TXNDC12: variants seen among roughly 807,000 people sequenced by gnomAD.
TXNDC12 encodes the protein thioredoxin domain-containing protein 12.
Under a neutral mutation model 24.2 loss-of-function variants are expected in TXNDC12, and 22 were observed. The observed-to-expected ratio is 0.91, with a 90% CI of 0.65 to 1.30. The LOEUF (loss-of-function observed/expected upper bound fraction) is 1.30, where lower values mean the gene tolerates loss of function less well. Among genes scored for constraint, TXNDC12 ranks in the 50% most tolerant of loss-of-function variants. The pLI is 0.00. For synonymous variants in TXNDC12, 58 were observed against 73.4 expected, an observed-to-expected ratio of 0.79 and a Z score of 1.07; for missense variants, 184 against 205.8, an observed-to-expected ratio of 0.89 and a Z score of 0.65.
intron 2 of TXNDC12, among the ~76,000 whole-genome samples, chr1:52,040,327 G>A (rs1030188711): frequency 1.3e-5 from 2 of 151,940 alleles, no homozygotes; most frequent in African/African-American, 4.8e-5. Context: ...AGGCTCAATT[G>A]ATCCTCCCAC....
At chr1:52,045,556 C>G (rs144807072) in intron 1 of TXNDC12, among the ~76,000 whole-genome samples, 1 of 152,188 alleles carries the variant, frequency 6.6e-6, no homozygotes, top group South Asian at 2.1e-4. Flanking sequence ...TATTGGACTT[C>G]TAGCCTCCAG....
At chr1:52,045,769 TC>T (rs1686079887) in intron 1 of TXNDC12, among the ~76,000 whole-genome samples, 1 of 152,218 alleles carries the variant, frequency 6.6e-6, no homozygotes, top group African/African-American at 2.4e-5. Context: ...TAACAAACTA[TC>T]TTTCAAAAGT....
intron 5 of TXNDC12, 150 bp from the exon 6 acceptor site, chr1:52,023,724 T>C: frequency 1.7e-6 from 1 of 584,404 alleles, no homozygotes; most frequent in Non-Finnish European, 3.0e-6. Context: ...CATTTCTGCT[T>C]CCTTTTCTGC....
At chr1:52,049,929 T>C (rs1686167903) in intron 1 of TXNDC12, among the ~76,000 whole-genome samples, 4 of 152,200 alleles carry the variant, frequency 2.6e-5, no homozygotes, top group Admixed American at 2.6e-4. Flanking sequence ...TTAAATGCTT[T>C]TATATGTGTT....
intron 4 of TXNDC12, among the ~76,000 whole-genome samples, chr1:52,026,260 T>G (rs1685670632): frequency 6.6e-6 from 1 of 152,174 alleles, no homozygotes; most frequent in Non-Finnish European, 1.5e-5. Flanking sequence ...TATCACTTAT[T>G]AGGCTCTATG....
intron 2 of TXNDC12, chr1:52,032,608 T>C: frequency 6.6e-7 from 1 of 1,509,022 alleles, no homozygotes; most frequent in Admixed American, 2.4e-5. Context: ...ACTGCATCGA[T>C]ATGCTCTGGA....
chr1:52,044,161 C>A (rs1686044870), intron 1 of TXNDC12: 1 of 152,212 alleles, frequency 6.6e-6, no homozygotes, highest in South Asian at 2.1e-4. Context: ...ACCTACAAAA[C>A]AATGAAATCC....
intron 2 of TXNDC12, among the ~76,000 whole-genome samples, chr1:52,031,145 C>T (rs1685746687): frequency 6.6e-6 from 1 of 151,614 alleles, no homozygotes; most frequent in Non-Finnish European, 1.5e-5. Flanking sequence ...TGACCACCAG[C>T]CCATTTCATC....
chr1:52,050,008 C>G (rs757545005), intron 1 of TXNDC12, among the ~76,000 whole-genome samples: 14 of 152,188 alleles, frequency 9.2e-5, no homozygotes, highest in Admixed American at 2.6e-4. Context: ...AATAAGGAAG[C>G]TGAACTGAAA....
At chr1:52,034,306 T>C (rs1395119205) in intron 2 of TXNDC12, among the ~76,000 whole-genome samples, 3 of 152,148 alleles carry the variant, frequency 2.0e-5, no homozygotes, top group Non-Finnish European at 4.4e-5. Context: ...ATAAATACTA[T>C]AATGGATAGA....
At chr1:52,033,424 G>T in intron 2 of TXNDC12, 2 of 1,451,340 alleles carry the variant, frequency 1.4e-6, no homozygotes, top group East Asian at 2.2e-5. Context: ...TCCCGCGATC[G>T]GGCCGCCGGG....
At chr1:52,034,064 A>C (rs528408500) in intron 2 of TXNDC12, 3 of 1,318,174 alleles carry the variant, frequency 2.3e-6, no homozygotes, top group Non-Finnish European at 2.9e-6. Flanking sequence ...AAGGGGCATT[A>C]AATATTGTAA....
chr1:52,032,522 T>G lies in TXNDC12; in HGVS notation c.159-3892A>C, dbSNP rs1213877403. On this transcript the variant is annotated intron_variant, in intron 2 of 6. Coordinates refer to ENST00000371626, the MANE Select transcript of TXNDC12 (RefSeq NM_015913.4). ...CTCCATTCTCTTTAGTCTGAACTTA[T>G]GCTGTAAACCCAAGGCCTGGCACAG... 1.4e-5 allele frequency: 20 copies of G among 1,381,168 alleles called. 1 individual carries two copies. In the South Asian group the frequency reaches 3.0e-4, roughly 20 times the overall value. 85.6% of individuals were successfully genotyped at this position (1,381,168 alleles called of 1,614,324 possible). A position where few individuals can be genotyped will look rare whatever the true frequency, so the allele number is the denominator to read the frequency against.
At chr1:52,055,199 C>T (rs1572015579), upstream of TXNDC12, 2 of 753,878 alleles carry the variant, frequency 2.7e-6, no homozygotes, top group Admixed American at 2.5e-5. Context: ...AACACCTCTA[C>T]TTCCCAGATT....
chr1:52,045,070 T>C (rs1041927764), intron 1 of TXNDC12, among the ~76,000 whole-genome samples: 2 of 151,648 alleles, frequency 1.3e-5, no homozygotes, highest in Non-Finnish European at 2.9e-5. Flanking sequence ...TGAATGAATA[T>C]GCAGTGATAA....
intron 1 of TXNDC12, among the ~76,000 whole-genome samples, chr1:52,050,090 G>A (rs1299896689): frequency 6.6e-6 from 1 of 152,116 alleles, no homozygotes; most frequent in African/African-American, 2.4e-5. Flanking sequence ...GGGTTCCAGG[G>A]TCTGTAGTTA....
chr1:52,025,924 G>C (rs988232114), intron 4 of TXNDC12, among the ~76,000 whole-genome samples: 1 of 151,646 alleles, frequency 6.6e-6, no homozygotes, highest in African/African-American at 2.4e-5. Context: ...CTGCCTCCTG[G>C]GTCAAGCGAT....
chr1:52,045,099 G>A (rs772016856), intron 1 of TXNDC12, among the ~76,000 whole-genome samples: 13 of 152,124 alleles, frequency 8.5e-5, no homozygotes, highest in Non-Finnish European at 1.6e-4. Flanking sequence ...GAGTAATCAA[G>A]CCACGAAAAG....
At chr1:52,031,775 G>A (rs555189457) in intron 2 of TXNDC12, among the ~76,000 whole-genome samples, 3 of 152,042 alleles carry the variant, frequency 2.0e-5, no homozygotes, top group Admixed American at 1.3e-4. Context: ...CACCACACCC[G>A]GCTTCTCACC....
Sources: gnomAD v4.1 joint callset for allele counts (sites outside exome capture counted in the v4.1 genomes callset) on GRCh38, gnomAD v4.1.1 for gene constraint, MANE v1.5 for transcripts, NCBI Gene and HGNC (gene_info 2026-07-23, HGNC 2026-07-21) for gene names.